UBE2H: variants seen among roughly 807,000 people sequenced by gnomAD.
UBE2H encodes the protein ubiquitin-conjugating enzyme E2 H.
A neutral mutation model predicts 29.0 loss-of-function variants in UBE2H; 3 were observed. The observed-to-expected ratio is 0.10, with a 90% CI of 0.05 to 0.27. The LOEUF is 0.27. Among genes scored for constraint, UBE2H ranks in the 10% least tolerant of loss-of-function variants. The probability of loss-of-function intolerance (pLI) is 1.00; values close to 1 mark genes in which losing one functional copy is unlikely to be tolerated. For missense variants in UBE2H, 68 were observed against 228.2 expected (o/e 0.30, Z 4.52); for synonymous variants, 69 against 82.9 (o/e 0.83, Z 0.91).
chr7:129,842,094 T>G (rs1334134036), intron 5 of UBE2H, among the ~76,000 whole-genome samples: 1 of 152,218 alleles, frequency 6.6e-6, no homozygotes, highest in Non-Finnish European at 1.5e-5. Flanking sequence ...CTCAAGGCAA[T>G]AGATGTGTAA....
At chr7:129,924,867 C>T (rs1807233074) in intron 1 of UBE2H, among the ~76,000 whole-genome samples, 1 of 151,960 alleles carries the variant, frequency 6.6e-6, no homozygotes, top group African/African-American at 2.4e-5. Context: ...CACTCTGCCT[C>T]TCCTCTACCA....
At chr7:129,902,449 C>T (rs1224516626) in intron 1 of UBE2H, among the ~76,000 whole-genome samples, 8 of 152,212 alleles carry the variant, frequency 5.3e-5, no homozygotes, top group African/African-American at 1.7e-4. Context: ...TGCAGTGAGC[C>T]GAGATGCACC....
chr7:129,890,169 T>C (rs1413705615), intron 1 of UBE2H, among the ~76,000 whole-genome samples: 1 of 151,688 alleles, frequency 6.6e-6, no homozygotes, highest in Non-Finnish European at 1.5e-5. Context: ...GATGAACACA[T>C]GAATGAAGTT....
chr7:129,926,000 C>T (rs1309180590), intron 1 of UBE2H, among the ~76,000 whole-genome samples: 2 of 152,144 alleles, frequency 1.3e-5, no homozygotes, highest in Non-Finnish European at 2.9e-5. Context: ...CATTCACATA[C>T]ATTTCATATA....
intron 1 of UBE2H, among the ~76,000 whole-genome samples, chr7:129,925,307 A>T (rs1335955205): frequency 6.6e-6 from 1 of 152,072 alleles, no homozygotes; most frequent in East Asian, 1.9e-4. Context: ...AGATTACGCC[A>T]CTGCACTCCA....
At chr7:129,901,451 T>G (rs1806714460) in intron 1 of UBE2H, among the ~76,000 whole-genome samples, 1 of 152,168 alleles carries the variant, frequency 6.6e-6, no homozygotes, top group South Asian at 2.1e-4. Context: ...TAGAGGTCGG[T>G]GGGGGCTAAT....
chr7:129,891,824 A>C (rs1407274963), intron 1 of UBE2H, among the ~76,000 whole-genome samples: 4 of 152,190 alleles, frequency 2.6e-5, no homozygotes, highest in African/African-American at 9.6e-5. Context: ...AAAAAAAAAA[A>C]AAACACACAC....
chr7:129,881,982 T>C (rs1372671464), intron 1 of UBE2H, among the ~76,000 whole-genome samples: 1 of 152,182 alleles, frequency 6.6e-6, no homozygotes, highest in Non-Finnish European at 1.5e-5. Context: ...ATCTTATCCA[T>C]AGCATCTGTT....
At chr7:129,884,080 A>G (rs1010812254) in intron 1 of UBE2H, among the ~76,000 whole-genome samples, 2 of 152,054 alleles carry the variant, frequency 1.3e-5, no homozygotes, top group African/African-American at 2.4e-5. Context: ...TGGGTGACAG[A>G]GTGTGACTCT....
At chr7:129,926,525 A>G (rs1407217848) in intron 1 of UBE2H, among the ~76,000 whole-genome samples, 1 of 151,160 alleles carries the variant, frequency 6.6e-6, no homozygotes, top group African/African-American at 2.4e-5. Flanking sequence ...AAAAAAAGAA[A>G]AAAGAAACTC....
chr7:129,834,808 A>G lies in UBE2H; in HGVS notation c.*129T>C. On this transcript the variant is annotated 3_prime_UTR_variant, in exon 7 of 7. Transcript: ENST00000355621. Reference sequence around the variant, plus strand: ...AAAGGGTGATATATAATATATATATATCAATGCTATTATTCATAAAAACCT... The same window carrying G: ...AAAGGGTGATATATAATATATATATGTCAATGCTATTATTCATAAAAACCT... The G allele has an allele frequency of 2.0e-6, 2 of 1,001,960 alleles. No individual in the cohort carries two copies. Among genetic ancestry groups the G allele is most frequent in the South Asian group, 3.5e-5 (2 of 57,088 alleles). 62.1% of individuals were successfully genotyped at this position (1,001,960 alleles called of 1,614,324 possible). A position where few individuals can be genotyped will look rare whatever the true frequency, so the allele number is the denominator to read the frequency against.
intron 1 of UBE2H, among the ~76,000 whole-genome samples, chr7:129,914,751 T>A (rs543115238): frequency 2.1e-4 from 32 of 152,244 alleles, no homozygotes; most frequent in Non-Finnish European, 3.4e-4. Flanking sequence ...ATCAGTACCA[T>A]AATAGAGAAT....
At chr7:129,881,389 G>A (rs998532473) in intron 1 of UBE2H, among the ~76,000 whole-genome samples, 1 of 152,236 alleles carries the variant, frequency 6.6e-6, no homozygotes. Context: ...GCTCACGCCT[G>A]TAATCCCAAC....
At position 129,849,300 on chromosome 7, in the gene UBE2H, G is replaced by A. The variant is rs192222485; in HGVS notation, c.298+8211C>T. The stretch of plus-strand genomic sequence containing the variant: ...TTCTCTAAAATAACTAATTTGAGCC[G>A]GGCGCAGTGGCTCACGCCTGTAATC... On this transcript the variant is annotated intron_variant, in intron 5 of 6. Transcript: ENST00000355621. 1.3e-3 allele frequency among the ~76,000 whole-genome samples: 198 copies of A among 152,304 alleles called. 1 individual carries two copies. Among genetic ancestry groups the A allele is most frequent in the African/African-American group, 4.4e-3 (183 of 41,566 alleles).
chr7:129,904,102 A>G (rs778910868), intron 1 of UBE2H, among the ~76,000 whole-genome samples: 17 of 152,202 alleles, frequency 1.1e-4, no homozygotes, highest in Non-Finnish European at 1.6e-4. Context: ...TATGCCTGAC[A>G]CGGTCTCAGT....
chr7:129,833,022 C>T lies in UBE2H; in HGVS notation c.*1915G>A, dbSNP rs1361422214. The stretch of plus-strand genomic sequence containing the variant: ...ATTACATGTTAAATAGTTAATACTA[C>T]CCTTCCAGCAAGCCACAGATGCTAG... On this transcript the variant is annotated 3_prime_UTR_variant, in exon 7 of 7. Transcript: ENST00000355621. 1 of 152,380 alleles carries T rather than the reference C, an allele frequency of 6.6e-6. No homozygotes were observed. Among genetic ancestry groups the T allele is most frequent in the African/African-American group, 2.4e-5 (1 of 41,390 alleles). 9.4% of individuals were successfully genotyped at this position (152,380 alleles called of 1,614,324 possible).
chr7:129,905,155 A>C (rs1286649317), intron 1 of UBE2H, among the ~76,000 whole-genome samples: 1 of 151,962 alleles, frequency 6.6e-6, no homozygotes, highest in Non-Finnish European at 1.5e-5. Context: ...CAAAGGATTA[A>C]GGTATCTCAT....
intron 1 of UBE2H, among the ~76,000 whole-genome samples, chr7:129,930,570 A>C (rs1807368594): frequency 6.6e-6 from 1 of 152,012 alleles, no homozygotes; most frequent in South Asian, 2.1e-4. Context: ...GGTGTTCAAG[A>C]CCAGCCTGGC....
intron 1 of UBE2H, among the ~76,000 whole-genome samples, chr7:129,942,497 C>T (rs1477954557): frequency 6.6e-6 from 1 of 152,102 alleles, no homozygotes; most frequent in Non-Finnish European, 1.5e-5. Context: ...CTCACACACA[C>T]AAAAATTCCA....
Sources: allele counts gnomAD v4.1 joint callset (sites outside exome capture counted in the v4.1 genomes callset), GRCh38; gene constraint gnomAD v4.1.1; transcripts MANE v1.5; gene names NCBI Gene and HGNC (gene_info 2026-07-23, HGNC 2026-07-21).